Variants in LIN54 observed in about 807,000 individuals in gnomAD.
LIN54 encodes the protein lin-54 DREAM MuvB core complex component.
LIN54 carries 9 observed loss-of-function variants against 78.7 expected under a neutral mutation model. The observed-to-expected ratio is 0.11, with a 90% CI of 0.07 to 0.20. The LOEUF is 0.20. Ranked by LOEUF, LIN54 falls within the 10% of genes least tolerant of loss-of-function variation. LIN54 has a pLI of 1.00. For synonymous variants in LIN54, 269 were observed against 318.4 expected, an observed-to-expected ratio of 0.84 and a Z score of 1.65; for missense variants, 573 against 889.9, an observed-to-expected ratio of 0.64 and a Z score of 4.53.
chr4:82,991,346 T>C (rs562942798), intron 1 of LIN54, among the ~76,000 whole-genome samples: 5 of 152,300 alleles, frequency 3.3e-5, no homozygotes, highest in African/African-American at 1.2e-4. Flanking sequence ...TTTATGAGTA[T>C]GTACAAATAA....
chr4:82,985,755 G>C (rs987484910), intron 1 of LIN54, among the ~76,000 whole-genome samples: 2 of 152,214 alleles, frequency 1.3e-5, no homozygotes, highest in Non-Finnish European at 2.9e-5. Context: ...TGGCCAGGCT[G>C]GTCTCGAACT....
chr4:82,947,830 G>A (rs1393410849), intron 4 of LIN54, among the ~76,000 whole-genome samples: 1 of 151,992 alleles, frequency 6.6e-6, no homozygotes, highest in African/African-American at 2.4e-5. Flanking sequence ...AAGCTCTCAT[G>A]CTAAAAGACA....
intron 1 of LIN54, among the ~76,000 whole-genome samples, chr4:82,992,728 G>C (rs1199930967): frequency 2.6e-5 from 4 of 151,510 alleles, no homozygotes; most frequent in Non-Finnish European, 4.4e-5. Flanking sequence ...CTTTTGTTTT[G>C]TAAAAATGAG....
At chr4:82,942,676 G>A (rs1219903599) in intron 5 of LIN54, among the ~76,000 whole-genome samples, 4 of 152,148 alleles carry the variant, frequency 2.6e-5, no homozygotes, top group Non-Finnish European at 5.9e-5. Flanking sequence ...AGAGATGACA[G>A]TCGCTGTTCC....
At chr4:82,975,804 CA>C (rs1726121819) in intron 3 of LIN54, among the ~76,000 whole-genome samples, 2 of 151,448 alleles carry the variant, frequency 1.3e-5, no homozygotes, top group African/African-American at 4.9e-5. Flanking sequence ...ACAAGAAAAC[CA>C]AGATTTATAA....
At chr4:82,934,391 G>T (rs4693528) in intron 11 of LIN54, among the ~76,000 whole-genome samples, 66,739 of 152,052 alleles carry the variant, frequency 0.44, 17,166 homozygotes, top group Admixed American at 0.59. Flanking sequence ...GGGCGACAGG[G>T]CGAGACTCCG....
intron 5 of LIN54, 129 bp from the exon 6 acceptor site, chr4:82,940,091 T>C (rs549097636): frequency 1.5e-6 from 1 of 680,614 alleles, no homozygotes; most frequent in East Asian, 2.7e-5. Context: ...GATTCCTAAT[T>C]TGAGCAATCT....
chr4:82,984,643 CTG>C lies in LIN54; in HGVS notation c.200_201del (p.Thr67SerfsTer4). The C allele has an allele frequency of 6.2e-7, 1 of 1,614,166 alleles. No individual in the cohort carries two copies. The highest frequency in any genetic ancestry group is 1.3e-5 in the African/African-American group (1 of 75,038). ...ACTTGGTTAGTGTGGTTACTGTACACTGTGATTGGTTCCGTGGAAATGGGCGT... is the reference window on the plus strand; with the variant it reads ...ACTTGGTTAGTGTGGTTACTGTACACTGATTGGTTCCGTGGAAATGGGCGT... ...TATPISTEPI[T>X]VYSNHTNQVA... On this transcript the variant is annotated frameshift_variant, in exon 2 of 13. Transcript: ENST00000340417. LOFTEE classifies it high-confidence loss of function.
chr4:82,943,846 C>T (rs1723137493), intron 5 of LIN54, among the ~76,000 whole-genome samples: 1 of 145,150 alleles, frequency 6.9e-6, no homozygotes, highest in African/African-American at 2.5e-5. Context: ...GAAAAGAAGG[C>T]ACCAGTCAAT....
intron 11 of LIN54, among the ~76,000 whole-genome samples, chr4:82,933,850 C>A (rs976013324): frequency 9.2e-5 from 14 of 152,128 alleles, no homozygotes; most frequent in African/African-American, 3.4e-4. Flanking sequence ...TCCTATATGT[C>A]TGAATTTCAT....
chr4:82,973,439 T>C, intron 3 of LIN54, among the ~76,000 whole-genome samples: 1 of 152,180 alleles, frequency 6.6e-6, no homozygotes, highest in Non-Finnish European at 1.5e-5. Context: ...AAATCCCTAT[T>C]TATCCTTAGT....
upstream of LIN54, among the ~76,000 whole-genome samples, chr4:83,011,784 C>T (rs1435048795): frequency 1.4e-5 from 2 of 147,576 alleles, no homozygotes; most frequent in African/African-American, 5.0e-5. Context: ...AAAACATAAG[C>T]TGCAAGGCTT....
intron 1 of LIN54, among the ~76,000 whole-genome samples, chr4:82,993,858 C>T (rs1727961207): frequency 6.6e-6 from 1 of 152,012 alleles, no homozygotes; most frequent in Admixed American, 6.6e-5. Context: ...TCAACTGATC[C>T]ACCTGCCTCA....
rs537051737 is a variant in LIN54 at position 83,008,584 on chromosome 4, G to A, written c.-33+1900C>T. Among the ~76,000 whole-genome samples, 188 of 152,246 alleles carry A rather than the reference G, an allele frequency of 1.2e-3. 1 individual carries two copies. Among genetic ancestry groups the A allele is most frequent in the Non-Finnish European group, 2.0e-3 (136 of 68,026 alleles). ...GGAGAATGGCGTGAACCCAGGACGC[G>A]GAGCTTGCAGGGAGCCAAGATCGCG... On this transcript the variant is annotated intron_variant, in intron 1 of 12. Coordinates refer to ENST00000340417, the MANE Select transcript of LIN54 (RefSeq NM_194282.4).
chr4:82,959,902 T>A (rs1724650618), intron 4 of LIN54, among the ~76,000 whole-genome samples: 1 of 152,194 alleles, frequency 6.6e-6, no homozygotes, highest in Non-Finnish European at 1.5e-5. Context: ...TGTTCTACCA[T>A]CACAAATTAT....
At chr4:82,932,205 T>C (rs1271607876) in intron 11 of LIN54, among the ~76,000 whole-genome samples, 9 of 150,480 alleles carry the variant, frequency 6.0e-5, no homozygotes, top group Non-Finnish European at 8.9e-5. Context: ...CGCCATTCTC[T>C]TGCCTCAGCC....
intron 4 of LIN54, among the ~76,000 whole-genome samples, chr4:82,960,786 G>A (rs1018605152): frequency 5.3e-5 from 8 of 152,122 alleles, no homozygotes; most frequent in African/African-American, 1.9e-4. Flanking sequence ...CCAGCCAGGC[G>A]TGGTAGCTCA....
chr4:82,985,856 A>T (rs1727087013), intron 1 of LIN54, among the ~76,000 whole-genome samples: 1 of 151,714 alleles, frequency 6.6e-6, no homozygotes, highest in Non-Finnish European at 1.5e-5. Context: ...CCGCCATTTA[A>T]AGTGTCAAAA....
At chr4:82,947,224 TATATATATATA>T (rs1321552934) in intron 4 of LIN54, among the ~76,000 whole-genome samples, 30 of 21,398 alleles carry the variant, frequency 1.4e-3, no homozygotes, top group African/African-American at 3.6e-3. Flanking sequence ...TATATATATA[TATATATATATA>T]TTTTTTTTTT....
Sources: gnomAD v4.1 joint callset for allele counts (sites outside exome capture counted in the v4.1 genomes callset) on GRCh38, gnomAD v4.1.1 for gene constraint, MANE v1.5 for transcripts, NCBI Gene and HGNC (gene_info 2026-07-23, HGNC 2026-07-21) for gene names.